LRRC4C: variants seen among roughly 807,000 people sequenced by gnomAD.
LRRC4C encodes the protein leucine-rich repeat-containing protein 4C.
LRRC4C carries 5 observed loss-of-function variants against 33.6 expected under a neutral mutation model. The observed-to-expected ratio is 0.15, with a 90% CI of 0.08 to 0.31. The LOEUF is 0.31. Ranked by LOEUF, LRRC4C falls within the 10% of genes least tolerant of loss-of-function variation. LRRC4C has a pLI of 1.00. For synonymous variants in LRRC4C, 329 were observed against 302.0 expected, an observed-to-expected ratio of 1.09 and a Z score of -0.93; for missense variants, 560 against 796.7, an observed-to-expected ratio of 0.70 and a Z score of 3.58.
At chr11:40,349,673 A>C (rs1311130282) in intron 3 of LRRC4C, among the ~76,000 whole-genome samples, 4 of 152,154 alleles carry the variant, frequency 2.6e-5, no homozygotes. Context: ...TGACTGTACT[A>C]ATTTACATTC....
chr11:40,433,285 C>A (rs1951009524), intron 3 of LRRC4C, among the ~76,000 whole-genome samples: 1 of 151,954 alleles, frequency 6.6e-6, no homozygotes. Flanking sequence ...TTGTATATAT[C>A]ATCATATAAT....
intron 1 of LRRC4C, among the ~76,000 whole-genome samples, chr11:41,070,918 A>C (rs773167785): frequency 2.0e-5 from 3 of 152,186 alleles, no homozygotes; most frequent in Non-Finnish European, 2.9e-5. Flanking sequence ...ACCCAAAGGA[A>C]TATAAATCAT....
chr11:41,440,529 AAC>A (rs1379067051), intron 1 of LRRC4C, among the ~76,000 whole-genome samples: 2 of 152,328 alleles, frequency 1.3e-5, no homozygotes, highest in East Asian at 3.9e-4. Flanking sequence ...CGAGGAGAGT[AAC>A]ACACTACATA....
intron 3 of LRRC4C, among the ~76,000 whole-genome samples, chr11:40,434,343 G>A (rs1366147921): frequency 6.6e-6 from 1 of 152,212 alleles, no homozygotes; most frequent in Non-Finnish European, 1.5e-5. Flanking sequence ...TTCACAGGGT[G>A]TTACGGGAGG....
chr11:40,833,393 A>T (rs190638931), intron 2 of LRRC4C, among the ~76,000 whole-genome samples: 98 of 152,280 alleles, frequency 6.4e-4, no homozygotes, highest in African/African-American at 2.3e-3. Context: ...GGTAAAATTA[A>T]TTTCAAGTAT....
intron 4 of LRRC4C, among the ~76,000 whole-genome samples, chr11:40,317,043 T>C (rs1945609354): frequency 6.6e-6 from 1 of 152,026 alleles, no homozygotes; most frequent in Non-Finnish European, 1.5e-5. Flanking sequence ...GAAAATAATC[T>C]CATACATTTA....
At chr11:41,166,048 C>T (rs1290689589) in intron 1 of LRRC4C, among the ~76,000 whole-genome samples, 9 of 151,200 alleles carry the variant, frequency 6.0e-5, no homozygotes, top group Admixed American at 5.3e-4. Context: ...AAAAAAAGTC[C>T]CCAAATCTCT....
chr11:40,898,375 A>AAAAAGAG (rs1283460723), intron 2 of LRRC4C, among the ~76,000 whole-genome samples: 1 of 151,010 alleles, frequency 6.6e-6, no homozygotes, highest in East Asian at 1.9e-4. Flanking sequence ...AAAAAAAAGA[A>AAAAAGAG]AAAAGAAATG....
intron 1 of LRRC4C, among the ~76,000 whole-genome samples, chr11:40,944,431 G>A (rs1958297916): frequency 6.6e-6 from 1 of 152,116 alleles, no homozygotes. Flanking sequence ...ATACATTTTT[G>A]AAGCTCCACT....
intron 1 of LRRC4C, among the ~76,000 whole-genome samples, chr11:41,239,676 TTTTA>T (rs1948172638): frequency 6.6e-6 from 1 of 152,172 alleles, no homozygotes; most frequent in African/African-American, 2.4e-5. Flanking sequence ...CTCTTTTCAT[TTTTA>T]ATTTACTGAA....
At chr11:40,637,343 G>A (rs1295079460) in intron 3 of LRRC4C, among the ~76,000 whole-genome samples, 1 of 152,108 alleles carries the variant, frequency 6.6e-6, no homozygotes, top group Non-Finnish European at 1.5e-5. Context: ...GTCTGGACAC[G>A]ATAAGATCAA....
chr11:41,453,735 C>A (rs1307426492), intron 1 of LRRC4C, among the ~76,000 whole-genome samples: 2 of 151,848 alleles, frequency 1.3e-5, no homozygotes, highest in Non-Finnish European at 2.9e-5. Flanking sequence ...CAGTGCCTGG[C>A]ACATAGAATA....
intron 2 of LRRC4C, among the ~76,000 whole-genome samples, chr11:40,869,828 A>T (rs987761047): frequency 5.3e-5 from 8 of 152,148 alleles, no homozygotes; most frequent in African/African-American, 1.9e-4. Context: ...GCCCTCTTCC[A>T]AGTATACTTT....
intron 1 of LRRC4C, among the ~76,000 whole-genome samples, chr11:41,131,736 A>T (rs905252476): frequency 1.3e-5 from 2 of 152,132 alleles, no homozygotes; most frequent in African/African-American, 4.8e-5. Flanking sequence ...AGGATGAGGG[A>T]AAGAAACTAA....
At chr11:40,938,413 T>C (rs939517170) in intron 1 of LRRC4C, among the ~76,000 whole-genome samples, 1 of 152,064 alleles carries the variant, frequency 6.6e-6, no homozygotes, top group African/African-American at 2.4e-5. Flanking sequence ...CTACACCAAG[T>C]AGAGACATTG....
chr11:41,352,925 G>T (rs1952031489), intron 1 of LRRC4C, among the ~76,000 whole-genome samples: 1 of 152,006 alleles, frequency 6.6e-6, no homozygotes, highest in African/African-American at 2.4e-5. Flanking sequence ...AACTTAGAAA[G>T]ATCTCAAATT....
intron 3 of LRRC4C, among the ~76,000 whole-genome samples, chr11:40,541,058 C>T (rs1371410098): frequency 6.6e-6 from 1 of 152,096 alleles, no homozygotes; most frequent in Non-Finnish European, 1.5e-5. Context: ...CTGAATGGAT[C>T]CTTCAACTCT....
At chr11:40,293,934 TC>T (rs1198564760) in intron 4 of LRRC4C, 1 of 152,148 alleles carries the variant, frequency 6.6e-6, no homozygotes, top group African/African-American at 2.4e-5. Context: ...ACTCTCTTCC[TC>T]CCCCTCCCTC....
chr11:40,543,749 T>C (rs1956811257), intron 3 of LRRC4C, among the ~76,000 whole-genome samples: 1 of 152,130 alleles, frequency 6.6e-6, no homozygotes, highest in Non-Finnish European at 1.5e-5. Flanking sequence ...TAAGCCAGCT[T>C]ATGGTCTTGG....
Sources: allele counts gnomAD v4.1 joint callset (sites outside exome capture counted in the v4.1 genomes callset), GRCh38; gene constraint gnomAD v4.1.1; transcripts MANE v1.5; gene names NCBI Gene and HGNC (gene_info 2026-07-23, HGNC 2026-07-21).